The following SLC1A3 variants were observed in gnomAD, a reference collection of about 807,000 sequenced individuals.
The protein encoded by SLC1A3 is excitatory amino acid transporter 1.
Under a neutral mutation model 48.1 loss-of-function variants are expected in SLC1A3, and 21 were observed. The ratio of observed to expected loss-of-function variants is 0.44; its 90% CI spans 0.31 to 0.63. The LOEUF (loss-of-function observed/expected upper bound fraction) is 0.63, where lower values mean the gene tolerates loss of function less well. SLC1A3 is among the 20% of genes least tolerant of loss of function. The pLI, the probability that SLC1A3 is intolerant of heterozygous loss-of-function variation, is 0.08. For synonymous variants in SLC1A3, 239 were observed against 251.4 expected, an observed-to-expected ratio of 0.95 and a Z score of 0.47; for missense variants, 546 against 689.0, an observed-to-expected ratio of 0.79 and a Z score of 2.32.
upstream of SLC1A3, among the ~76,000 whole-genome samples, chr5:36,601,925 G>A (rs1738813280): frequency 6.6e-6 from 1 of 151,946 alleles, no homozygotes; most frequent in Non-Finnish European, 1.5e-5. Context: ...ACTCTTTTCT[G>A]AGCACCTTCC....
chr5:36,614,791 G>C (rs986397861), intron 2 of SLC1A3, among the ~76,000 whole-genome samples: 1 of 152,144 alleles, frequency 6.6e-6, no homozygotes, highest in Non-Finnish European at 1.5e-5. Context: ...TGGTCAGAGT[G>C]GGGGCTGGCT....
chr5:36,632,330 T>C (rs558800268), intron 3 of SLC1A3, among the ~76,000 whole-genome samples: 37 of 152,336 alleles, frequency 2.4e-4, no homozygotes, highest in African/African-American at 8.4e-4. Context: ...GTAATTCCAA[T>C]GGCAGGCCCA....
At chr5:36,665,630 AC>A (rs1561274935) in intron 3 of SLC1A3, among the ~76,000 whole-genome samples, 1 of 152,236 alleles carries the variant, frequency 6.6e-6, no homozygotes, top group African/African-American at 2.4e-5. Context: ...GCTGAACACT[AC>A]TTTAAGTGCT....
At chr5:36,660,996 C>T (rs1478864525) in intron 3 of SLC1A3, among the ~76,000 whole-genome samples, 1 of 152,206 alleles carries the variant, frequency 6.6e-6, no homozygotes, top group Non-Finnish European at 1.5e-5. Flanking sequence ...TTCTCCTCTC[C>T]TCAGCCCCAG....
At chr5:36,616,894 T>C (rs1739458744) in intron 2 of SLC1A3, among the ~76,000 whole-genome samples, 1 of 152,202 alleles carries the variant, frequency 6.6e-6, no homozygotes. Context: ...ATGCTTTTAT[T>C]TAGTTATTTA....
intron 2 of SLC1A3, among the ~76,000 whole-genome samples, chr5:36,611,985 T>A (rs1739218228): frequency 6.6e-6 from 1 of 152,140 alleles, no homozygotes; most frequent in African/African-American, 2.4e-5. Flanking sequence ...TAGGAATGCA[T>A]AGAATTGAGT....
At chr5:36,628,793 G>A (rs866044290) in intron 2 of SLC1A3, among the ~76,000 whole-genome samples, 4 of 152,230 alleles carry the variant, frequency 2.6e-5, no homozygotes, top group Middle Eastern at 3.4e-3. Context: ...ATTCTCCCAC[G>A]TTTTCAGGGA....
intron 2 of SLC1A3, among the ~76,000 whole-genome samples, chr5:36,617,178 A>G (rs1739469912): frequency 6.6e-6 from 1 of 152,200 alleles, no homozygotes; most frequent in Non-Finnish European, 1.5e-5. Context: ...TCCAAAAAAA[A>G]AGAAAGCGGT....
At chr5:36,684,202 C>G (rs1273955958) in intron 9 of SLC1A3, among the ~76,000 whole-genome samples, 1 of 152,252 alleles carries the variant, frequency 6.6e-6, no homozygotes, top group Non-Finnish European at 1.5e-5. Context: ...ACTCCCCTGT[C>G]AGCCTAAGGG....
At chr5:36,646,444 A>C (rs888695349) in intron 3 of SLC1A3, among the ~76,000 whole-genome samples, 4 of 152,228 alleles carry the variant, frequency 2.6e-5, no homozygotes, top group African/African-American at 9.6e-5. Flanking sequence ...TGGAAATTTA[A>C]ATGTTAAGTA....
intron 4 of SLC1A3, among the ~76,000 whole-genome samples, chr5:36,671,531 T>C (rs1281903126): frequency 6.6e-6 from 1 of 152,226 alleles, no homozygotes; most frequent in African/African-American, 2.4e-5. Flanking sequence ...GGAATTTTAA[T>C]AATTCTTAAC....
At chr5:36,664,434 AT>A (rs34686767) in intron 3 of SLC1A3, among the ~76,000 whole-genome samples, 126,483 of 152,088 alleles carry the variant, frequency 0.83, 54,736 homozygotes, top group Non-Finnish European at 0.95. Flanking sequence ...TGCCCGGCCC[AT>A]TGGCTCCTTT....
At chr5:36,667,632 T>A (rs1741807001) in intron 3 of SLC1A3, 1 of 152,200 alleles carries the variant, frequency 6.6e-6, no homozygotes, top group African/African-American at 2.4e-5. Context: ...TATACAATTG[T>A]CATGGAATTA....
At chr5:36,665,123 A>G (rs1741686049) in intron 3 of SLC1A3, among the ~76,000 whole-genome samples, 1 of 152,222 alleles carries the variant, frequency 6.6e-6, no homozygotes, top group Admixed American at 6.5e-5. Flanking sequence ...AATTGGGGGA[A>G]GATCAACCAA....
chr5:36,652,533 C>A (rs938507234), intron 3 of SLC1A3, among the ~76,000 whole-genome samples: 1 of 152,176 alleles, frequency 6.6e-6, no homozygotes, highest in African/African-American at 2.4e-5. Context: ...GTGTTCTTTT[C>A]ATCCTCTGCA....
intron 3 of SLC1A3, among the ~76,000 whole-genome samples, chr5:36,644,596 T>G (rs1348584036): frequency 6.6e-6 from 1 of 152,248 alleles, no homozygotes; most frequent in East Asian, 1.9e-4. Flanking sequence ...ATACCATAAT[T>G]AAAATTTTCA....
intron 3 of SLC1A3, among the ~76,000 whole-genome samples, chr5:36,653,529 C>T (rs78558496): frequency 0.037 from 5,605 of 152,256 alleles, 341 homozygotes; most frequent in African/African-American, 0.13. Flanking sequence ...ATTGCTCCTT[C>T]TTTCTAGATG....
intron 3 of SLC1A3, among the ~76,000 whole-genome samples, chr5:36,642,129 T>C (rs1014220052): frequency 6.6e-6 from 1 of 152,246 alleles, no homozygotes; most frequent in Non-Finnish European, 1.5e-5. Context: ...ACTGGGTACA[T>C]TGGCATCATT....
intron 9 of SLC1A3, among the ~76,000 whole-genome samples, chr5:36,684,425 C>A (rs1742563667): frequency 6.6e-6 from 1 of 152,180 alleles, no homozygotes; most frequent in African/African-American, 2.4e-5. Context: ...CCCATCCTAG[C>A]CCAATAGGGT....
Sources: allele counts gnomAD v4.1 joint callset (sites outside exome capture counted in the v4.1 genomes callset), GRCh38; gene constraint gnomAD v4.1.1; transcripts MANE v1.5; gene names NCBI Gene and HGNC (gene_info 2026-07-23, HGNC 2026-07-21).